CNTN4: variants seen among roughly 807,000 people sequenced by gnomAD.
CNTN4 encodes contactin 4.
CNTN4 carries 77 observed loss-of-function variants against 122.5 expected under a neutral mutation model. That is an observed-to-expected ratio of 0.63 (90% CI 0.52 to 0.76). CNTN4 has a LOEUF of 0.76. CNTN4 is among the 30% of genes least tolerant of loss of function. The probability of loss-of-function intolerance (pLI) is 0.00; values close to 1 mark genes in which losing one functional copy is unlikely to be tolerated. For missense variants in CNTN4, 1,256 were observed against 1,259.1 expected (o/e 1.00, Z 0.04); for synonymous variants, 512 against 447.0 (o/e 1.15, Z -1.83).
intron 4 of CNTN4, among the ~76,000 whole-genome samples, chr3:2,611,122 C>G (rs1331645310): frequency 6.6e-6 from 1 of 151,528 alleles, no homozygotes; most frequent in Non-Finnish European, 1.5e-5. Context: ...ATGTTATAGG[C>G]AAAGTTAAAG....
At chr3:2,792,064 C>A (rs1330719324) in intron 6 of CNTN4, among the ~76,000 whole-genome samples, 1 of 152,122 alleles carries the variant, frequency 6.6e-6, no homozygotes, top group East Asian at 1.9e-4. Flanking sequence ...TGCACATGTA[C>A]CCCTGAACTT....
intron 4 of CNTN4, among the ~76,000 whole-genome samples, chr3:2,610,406 G>A (rs2081429497): frequency 6.6e-6 from 1 of 152,156 alleles, no homozygotes; most frequent in African/African-American, 2.4e-5. Context: ...TTTGCTTCAT[G>A]TGATAAACTT....
At chr3:2,136,248 C>G (rs561864085) in intron 2 of CNTN4, among the ~76,000 whole-genome samples, 3 of 152,238 alleles carry the variant, frequency 2.0e-5, no homozygotes, top group Admixed American at 6.5e-5. Context: ...GTTGAGAGAC[C>G]TTATATCATT....
At chr3:2,920,645 GAT>G (rs1290320879) in intron 12 of CNTN4, among the ~76,000 whole-genome samples, 12 of 152,154 alleles carry the variant, frequency 7.9e-5, no homozygotes, top group African/African-American at 2.4e-5. Context: ...AAAAGTCCGT[GAT>G]AATGGTGACT....
intron 10 of CNTN4, among the ~76,000 whole-genome samples, chr3:2,889,450 G>A (rs1478853289): frequency 2.6e-5 from 4 of 152,162 alleles, no homozygotes; most frequent in Admixed American, 6.5e-5. Context: ...TTGATGGGTT[G>A]TAAAGCAAAA....
intron 4 of CNTN4, among the ~76,000 whole-genome samples, chr3:2,592,723 A>T (rs2080559114): frequency 6.6e-6 from 1 of 152,200 alleles, no homozygotes; most frequent in Non-Finnish European, 1.5e-5. Context: ...AAATTGCCCC[A>T]TCTTGGGCAT....
At chr3:2,669,382 G>T (rs552841358) in intron 4 of CNTN4, among the ~76,000 whole-genome samples, 2 of 152,328 alleles carry the variant, frequency 1.3e-5, no homozygotes. Flanking sequence ...TTTGCATAGA[G>T]GTGTTTATAG....
chr3:2,785,888 C>T (rs1486897911), intron 6 of CNTN4, among the ~76,000 whole-genome samples: 4 of 31,326 alleles, frequency 1.3e-4, no homozygotes, highest in Non-Finnish European at 1.4e-4. Flanking sequence ...CCACCCTGGC[C>T]CACGCTGCCC....
intron 3 of CNTN4, among the ~76,000 whole-genome samples, chr3:2,406,339 A>G (rs1431056830): frequency 1.3e-5 from 2 of 152,214 alleles, no homozygotes; most frequent in Non-Finnish European, 2.9e-5. Context: ...TGTGAAAAAT[A>G]TATAACTTCA....
In CNTN4 at chr3:2,202,028, G is replaced by T. The variant is rs566293764; in HGVS notation, c.-145+101389G>T. ...AGGCTATTTTTAGTATCTCCAACTA[G>T]AAGACTGAAGCTCTTAACTCATCTA... On this transcript the variant is annotated intron_variant, in intron 2 of 24. Coordinates refer to ENST00000418658, the MANE Select transcript of CNTN4 (RefSeq NM_175607.3). 1.5e-3 allele frequency among the ~76,000 whole-genome samples: 232 copies of T among 152,190 alleles called. 1 individual carries two copies. The highest frequency in any genetic ancestry group is 5.4e-3 in the African/African-American group (225 of 41,540).
intron 8 of CNTN4, among the ~76,000 whole-genome samples, chr3:2,878,787 G>A (rs2093875179): frequency 6.6e-6 from 1 of 152,148 alleles, no homozygotes; most frequent in Non-Finnish European, 1.5e-5. Flanking sequence ...GGTGTAATAT[G>A]TTTTGCCATC....
At chr3:2,678,016 C>T (rs1329639111) in intron 4 of CNTN4, among the ~76,000 whole-genome samples, 2 of 152,066 alleles carry the variant, frequency 1.3e-5, no homozygotes, top group South Asian at 4.1e-4. Context: ...TTCCTCCCAG[C>T]AAAGCTTACC....
intron 6 of CNTN4, among the ~76,000 whole-genome samples, chr3:2,801,804 T>C (rs2092354529): frequency 6.6e-6 from 1 of 152,170 alleles, no homozygotes; most frequent in Non-Finnish European, 1.5e-5. Flanking sequence ...CTAGATAATG[T>C]ACTTATTAGA....
intron 3 of CNTN4, among the ~76,000 whole-genome samples, chr3:2,359,459 T>C (rs1365281506): frequency 2.0e-5 from 3 of 152,224 alleles, no homozygotes; most frequent in Non-Finnish European, 4.4e-5. Context: ...TTGGTATGAT[T>C]TCAAACAAAT....
At chr3:2,470,514 C>T (rs1229429917) in intron 3 of CNTN4, among the ~76,000 whole-genome samples, 1 of 152,142 alleles carries the variant, frequency 6.6e-6, no homozygotes, top group African/African-American at 2.4e-5. Flanking sequence ...CATTCTGGAG[C>T]AAGGTTGTAG....
intron 23 of CNTN4, 110 bp from the exon 24 acceptor site, chr3:3,053,697 C>T: frequency 1.8e-6 from 2 of 1,096,982 alleles, no homozygotes; most frequent in Non-Finnish European, 2.8e-6. Flanking sequence ...GCCAGACAAC[C>T]TCTACATCCC....
intron 4 of CNTN4, among the ~76,000 whole-genome samples, chr3:2,696,644 C>G (rs2086049573): frequency 6.6e-6 from 1 of 152,120 alleles, no homozygotes; most frequent in Non-Finnish European, 1.5e-5. Flanking sequence ...AGTCTTAGGT[C>G]TTATTTATAG....
At chr3:2,146,713 G>A (rs965416841) in intron 2 of CNTN4, among the ~76,000 whole-genome samples, 12 of 151,552 alleles carry the variant, frequency 7.9e-5, no homozygotes, top group Admixed American at 5.3e-4. Flanking sequence ...AGACAGAGAG[G>A]TCTGGTCCCT....
At chr3:2,313,520 G>C (rs946419061) in intron 2 of CNTN4, among the ~76,000 whole-genome samples, 1 of 152,002 alleles carries the variant, frequency 6.6e-6, no homozygotes, top group African/African-American at 2.4e-5. Context: ...AGGAAAAACT[G>C]AAAAGTGTCC....
Sources: allele counts gnomAD v4.1 joint callset (sites outside exome capture counted in the v4.1 genomes callset), GRCh38; gene constraint gnomAD v4.1.1; transcripts MANE v1.5; gene names NCBI Gene and HGNC (gene_info 2026-07-23, HGNC 2026-07-21).